RABGAP1L: variants seen among roughly 807,000 people sequenced by gnomAD.
RABGAP1L encodes the protein rab GTPase-activating protein 1-like.
RABGAP1L carries 63 observed loss-of-function variants against 137.7 expected under a neutral mutation model. The observed-to-expected ratio is 0.46, with a 90% CI of 0.37 to 0.56. The LOEUF is 0.56. Ranked by LOEUF, RABGAP1L falls within the 20% of genes least tolerant of loss-of-function variation. The probability of loss-of-function intolerance (pLI) is 0.00; values close to 1 mark genes in which losing one functional copy is unlikely to be tolerated. For synonymous variants in RABGAP1L, 431 were observed against 433.7 expected, an observed-to-expected ratio of 0.99 and a Z score of 0.08; for missense variants, 1,095 against 1,244.0, an observed-to-expected ratio of 0.88 and a Z score of 1.80.
chr1:174,484,010 T>A (rs1659390256), intron 13 of RABGAP1L, among the ~76,000 whole-genome samples: 1 of 152,190 alleles, frequency 6.6e-6, no homozygotes, highest in East Asian at 1.9e-4. Context: ...TTGTACTAAT[T>A]TATATTTCCA....
At chr1:174,762,540 T>C (rs535756003) in intron 18 of RABGAP1L, among the ~76,000 whole-genome samples, 1 of 152,318 alleles carries the variant, frequency 6.6e-6, no homozygotes, top group Admixed American at 6.5e-5. Context: ...TATTTGACAG[T>C]CCTTTGCATA....
intron 1 of RABGAP1L, among the ~76,000 whole-genome samples, chr1:174,163,414 C>T (rs935224995): frequency 6.6e-6 from 1 of 152,128 alleles, no homozygotes; most frequent in African/African-American, 2.4e-5. Flanking sequence ...AGTTTATGCG[C>T]ATGCTAACTC....
intron 10 of RABGAP1L, among the ~76,000 whole-genome samples, chr1:174,293,621 G>A (rs1676834328): frequency 6.6e-6 from 1 of 151,992 alleles, no homozygotes; most frequent in Admixed American, 6.6e-5. Flanking sequence ...TAGGGGTCAA[G>A]GTAAAGAAAT....
chr1:174,202,974 T>G (rs1044155040), intron 1 of RABGAP1L, among the ~76,000 whole-genome samples: 3 of 152,194 alleles, frequency 2.0e-5, no homozygotes, highest in Admixed American at 2.0e-4. Flanking sequence ...ATGTGTGGTA[T>G]TATTTCTTTT....
At chr1:174,292,293 T>C (rs910646956) in intron 10 of RABGAP1L, among the ~76,000 whole-genome samples, 4 of 148,908 alleles carry the variant, frequency 2.7e-5, no homozygotes, top group African/African-American at 9.8e-5. Context: ...CCCAAAGTGC[T>C]AGGATTACAG....
rs1428095291 is a variant in RABGAP1L at position 174,309,330 on chromosome 1, A to G, written c.1465+4203A>G. Among the ~76,000 whole-genome samples, 3 of 152,000 alleles carry G rather than the reference A, an allele frequency of 2.0e-5. No individual in the cohort carries two copies. In the East Asian group the frequency reaches 5.8e-4, roughly 29 times the overall value. Reference sequence around the variant, plus strand: ...CCAGGACAATTTGATTTCTTCTCCAATTTGTATACCTTTTATTTCTTTCTC... The same window carrying G: ...CCAGGACAATTTGATTTCTTCTCCAGTTTGTATACCTTTTATTTCTTTCTC... On this transcript the variant is annotated intron_variant, in intron 11 of 25. Coordinates refer to ENST00000681986, the MANE Select transcript of RABGAP1L (RefSeq NM_001366446.1).
At chr1:174,655,380 A>AT (rs1486541551) in intron 14 of RABGAP1L, among the ~76,000 whole-genome samples, 3 of 152,066 alleles carry the variant, frequency 2.0e-5, no homozygotes, top group East Asian at 1.9e-4. Flanking sequence ...ATTACAGGCC[A>AT]TTTTTTTGAA....
rs547982879 is a variant in RABGAP1L, at chr1:174,730,071, AATTGGATAAAGAAAATATGG to A, written c.2170-22241_2170-22222del. 1.3e-3 allele frequency among the ~76,000 whole-genome samples: 203 copies of A among 152,356 alleles called. 1 individual carries two copies. Among genetic ancestry groups the A allele is most frequent in the African/African-American group, 4.6e-3 (191 of 41,588 alleles). ...TCAATCCAGGTGCCTATCAGTGGTG[AATTGGATAAAGAAAATATGG>A]TACACATATACCACAGGATACTTTG... On this transcript the variant is annotated intron_variant, in intron 17 of 25. Transcript: ENST00000681986.
At chr1:174,872,899 T>A (rs1046366121) in intron 19 of RABGAP1L, among the ~76,000 whole-genome samples, 1 of 152,110 alleles carries the variant, frequency 6.6e-6, no homozygotes, top group Non-Finnish European at 1.5e-5. Flanking sequence ...ATCCTTAACA[T>A]TGAGTCATGT....
At chr1:174,333,871 G>A (rs1367310173) in intron 11 of RABGAP1L, among the ~76,000 whole-genome samples, 1 of 152,182 alleles carries the variant, frequency 6.6e-6, no homozygotes, top group African/African-American at 2.4e-5. Flanking sequence ...AAAGGAGTGG[G>A]AAGCTCAGTC....
At chr1:174,719,822 G>T (rs1411334644) in intron 17 of RABGAP1L, among the ~76,000 whole-genome samples, 1 of 152,176 alleles carries the variant, frequency 6.6e-6, no homozygotes, top group African/African-American at 2.4e-5. Flanking sequence ...ATATTATTTG[G>T]TTGGGATTTT....
At chr1:174,440,213 G>A (rs1653962000) in intron 13 of RABGAP1L, among the ~76,000 whole-genome samples, 1 of 152,180 alleles carries the variant, frequency 6.6e-6, no homozygotes, top group African/African-American at 2.4e-5. Flanking sequence ...TGGATGCATA[G>A]AGACCAGTTT....
intron 18 of RABGAP1L, among the ~76,000 whole-genome samples, chr1:174,786,913 C>T (rs571146883): frequency 6.6e-6 from 1 of 152,042 alleles, no homozygotes; most frequent in Admixed American, 6.6e-5. Context: ...TGATCTCTGA[C>T]CACAGTGACT....
At chr1:174,302,337 A>G (rs1186488839) in intron 10 of RABGAP1L, among the ~76,000 whole-genome samples, 2 of 152,204 alleles carry the variant, frequency 1.3e-5, no homozygotes, top group Non-Finnish European at 2.9e-5. Flanking sequence ...ATTACTGTGT[A>G]CTGAGCATTT....
chr1:174,548,571 G>A, intron 13 of RABGAP1L: 1 of 974,360 alleles, frequency 1.0e-6, no homozygotes, highest in Non-Finnish European at 1.2e-6. Context: ...ATCTTTTTGT[G>A]AGATGTACTT....
intron 13 of RABGAP1L, among the ~76,000 whole-genome samples, chr1:174,568,799 A>T (rs946420881): frequency 1.3e-5 from 2 of 152,218 alleles, no homozygotes; most frequent in Non-Finnish European, 2.9e-5. Context: ...ATTTGTAAAG[A>T]TCTGTTTACA....
intron 10 of RABGAP1L, among the ~76,000 whole-genome samples, chr1:174,294,491 C>G (rs575868561): frequency 1.3e-5 from 2 of 152,234 alleles, no homozygotes; most frequent in African/African-American, 4.8e-5. Flanking sequence ...TTACTCTGAA[C>G]AGATAGATAG....
intron 14 of RABGAP1L, among the ~76,000 whole-genome samples, chr1:174,649,882 T>C (rs1251878374): frequency 4.0e-5 from 6 of 151,878 alleles, no homozygotes; most frequent in South Asian, 2.1e-4. Flanking sequence ...TGAATAGGAG[T>C]GGTGAGAGAG....
chr1:174,642,272 TAGG>T lies in RABGAP1L; in HGVS notation c.1824+4789_1824+4791del, dbSNP rs564872481. Among the ~76,000 whole-genome samples, 543 of 152,280 alleles carry T rather than the reference TAGG, an allele frequency of 3.6e-3. 1 individual carries two copies. The highest frequency in any genetic ancestry group is 6.0e-3 in the Non-Finnish European group (405 of 68,008). The stretch of plus-strand genomic sequence containing the variant: ...AATAATTTGATAGCATAATGGTTTA[TAGG>T]AGGACAAAAATAAACTTAACCCTTA... On this transcript the variant is annotated intron_variant, in intron 14 of 25. Transcript: ENST00000681986.
Sources: gnomAD v4.1 joint callset for allele counts (sites outside exome capture counted in the v4.1 genomes callset) on GRCh38, gnomAD v4.1.1 for gene constraint, MANE v1.5 for transcripts, NCBI Gene and HGNC (gene_info 2026-07-23, HGNC 2026-07-21) for gene names.